RTN2: variants seen among roughly 807,000 people sequenced by gnomAD.
RTN2 encodes the protein reticulon-2.
A neutral mutation model predicts 63.7 loss-of-function variants in RTN2; 36 were observed. That is an observed-to-expected ratio of 0.56 (90% CI 0.43 to 0.75). The LOEUF is 0.75. RTN2 is among the 30% of genes least tolerant of loss of function. The pLI is 0.00. For missense variants in RTN2, 673 were observed against 705.1 expected, an observed-to-expected ratio of 0.95 and a Z score of 0.52; for synonymous variants, 312 against 313.0, an observed-to-expected ratio of 1.00 and a Z score of 0.03.
intron 4 of RTN2, chr19:45,493,853 C>T (rs1968212882): frequency 2.9e-6 from 1 of 339,202 alleles, no homozygotes; most frequent in Non-Finnish European, 5.5e-6. Flanking sequence ...AAGCGATTCT[C>T]CTGCCTCAGC....
At chr19:45,496,437 G>A (rs933744217) in intron 1 of RTN2, among the ~76,000 whole-genome samples, 17 of 152,198 alleles carry the variant, frequency 1.1e-4, no homozygotes, top group Admixed American at 1.0e-3. Flanking sequence ...TTCCATCCTG[G>A]CTCTACCCTC....
intron 10 of RTN2, 42 bp downstream of exon 10, chr19:45,486,013 C>T: frequency 1.9e-6 from 3 of 1,591,758 alleles, no homozygotes; most frequent in Non-Finnish European, 2.6e-6. Context: ...TCCCAAGCTC[C>T]CCCACTTCCC....
At position 45,493,267 on chromosome 19, in the gene RTN2, C is replaced by A; in HGVS notation, c.926G>T (p.Gly309Val). 6.2e-7 allele frequency: 1 copy of A among 1,612,728 alleles called. No individual in the cohort carries two copies. Among genetic ancestry groups the A allele is most frequent in the South Asian group, 1.1e-5 (1 of 91,046 alleles). Residue 309 changes from glycine (G) to valine (V), a missense_variant, in exon 5 of 11, where the codon GGC (glycine) becomes GTC (valine). Physicochemically the swap from Gly to Val is moderately radical, Grantham distance 109. Coordinates refer to ENST00000245923, the MANE Select transcript of RTN2 (RefSeq NM_005619.5). ...LWTAIGWVQR[G>V]PTPPTPVLRV... The stretch of plus-strand genomic sequence containing the variant: ...GAGGACAGGAGTAGGGGGGGTGGGG[C>A]CCCTTTGGACCCAGCCAATGGCTGT...
rs1308124635 is a variant in RTN2 at position 45,493,025 on chromosome 19, G to A, written c.1033+135C>T. The stretch of plus-strand genomic sequence containing the variant: ...TGGGTCCTCCCTATACTGCCCCTCG[G>A]CCCCCTAGCCCCAGCCTGCAGCGCT... On this transcript the variant is annotated intron_variant, in intron 5 of 10. Coordinates refer to ENST00000245923, the MANE Select transcript of RTN2 (RefSeq NM_005619.5). 6.5e-6 allele frequency: 6 copies of A among 920,670 alleles called. No individual in the cohort carries two copies. The Admixed American group carries it at 9.9e-5, about 15-fold the overall frequency. 57.0% of individuals were successfully genotyped at this position (920,670 alleles called of 1,614,324 possible). A position where few individuals can be genotyped will look rare whatever the true frequency, so the allele number is the denominator to read the frequency against.
At position 45,493,984 on chromosome 19, in the gene RTN2, C is replaced by A. The variant is rs1217584515; in HGVS notation, c.814+182G>T. The A allele has an allele frequency of 3.0e-6, 3 of 1,009,070 alleles. No homozygotes were observed. The African/African-American group carries it at 4.8e-5, about 16-fold the overall frequency. The allele number at this position is 1,009,070 out of a possible 1,614,324, so 62.5% of individuals were successfully genotyped here. On this transcript the variant is annotated intron_variant, in intron 4 of 10. Transcript: ENST00000245923. ...GGATTACAGGCATGAGCCACCGCGC[C>A]CGGCCGGGGAAATTTTTTTAAAAAG...
chr19:45,492,227 C>T (rs1968175787), intron 5 of RTN2, among the ~76,000 whole-genome samples: 1 of 152,186 alleles, frequency 6.6e-6, no homozygotes, highest in African/African-American at 2.4e-5. Context: ...TAAACCCAAC[C>T]TCAGCCCTGA....
At chr19:45,496,444 C>CCT in intron 1 of RTN2, 1 of 235,348 alleles carries the variant, frequency 4.2e-6, no homozygotes, top group Non-Finnish European at 8.3e-6. Context: ...CTGGCTCTAC[C>CCT]CTCCGTTCAA....
In RTN2 at chr19:45,496,885, G is replaced by C; in HGVS notation, c.-60C>G. ...ACTCCGGCTGTGCCGCCCTGGGCCCGGGGTCGCGGGCGCTCATCTCCGCCG... is the reference window on the plus strand; with the variant it reads ...ACTCCGGCTGTGCCGCCCTGGGCCCCGGGTCGCGGGCGCTCATCTCCGCCG... On this transcript the variant is annotated 5_prime_UTR_variant, in exon 1 of 11. Transcript: ENST00000245923. The C allele has an allele frequency of 1.7e-6, 2 of 1,152,082 alleles. No individual in the cohort carries two copies. Among genetic ancestry groups the C allele is most frequent in the Non-Finnish European group, 2.3e-6 (2 of 864,054 alleles). 71.4% of individuals were successfully genotyped at this position (1,152,082 alleles called of 1,614,324 possible).
intron 8 of RTN2, 25 bp downstream of exon 8, chr19:45,488,612 G>T: frequency 6.2e-7 from 1 of 1,613,528 alleles, no homozygotes; most frequent in Non-Finnish European, 8.5e-7. Context: ...GTCCCCATTT[G>T]CCCCTTACGG....
Position 45,488,620 on chromosome 19 carries a change from C to G in RTN2, c.1450+17G>C. On this transcript the variant is annotated intron_variant, in intron 8 of 10. Transcript: ENST00000245923. ...ACTCCAAGTCCCCATTTGCCCCTTA[C>G]GGCCTTCCCAGCTCACCCAGAATGA... 1 of 1,613,746 alleles carries G rather than the reference C, an allele frequency of 6.2e-7. No individual in the cohort carries two copies. Among genetic ancestry groups the G allele is most frequent in the Non-Finnish European group, 8.5e-7 (1 of 1,179,780 alleles).
chr19:45,486,542 C>T (rs1192134749), intron 9 of RTN2, among the ~76,000 whole-genome samples: 1 of 151,954 alleles, frequency 6.6e-6, no homozygotes, highest in Middle Eastern at 3.2e-3. Context: ...GACAGGGTCT[C>T]GCTCTGTCAC....
intron 9 of RTN2, among the ~76,000 whole-genome samples, chr19:45,488,190 T>C (rs187216166): frequency 1.4e-5 from 2 of 144,124 alleles, no homozygotes; most frequent in African/African-American, 5.2e-5. Context: ...GAAACGGAGG[T>C]TGCAGTGAGC....
chr19:45,486,191 C>T lies in RTN2; in HGVS notation c.1498-78G>A, dbSNP rs1968017071. On this transcript the variant is annotated intron_variant, in intron 9 of 10. Coordinates refer to ENST00000245923, the MANE Select transcript of RTN2 (RefSeq NM_005619.5). ...TAGTCACATAGGAGGCTGCTTCCTC[C>T]CCAACCTCCAAATTAGGAGTTGTGA... 1.1e-5 allele frequency: 14 copies of T among 1,289,168 alleles called. No individual in the cohort carries two copies. The East Asian group carries it at 3.3e-4, about 30-fold the overall frequency. The allele number at this position is 1,289,168 out of a possible 1,614,324, so 79.9% of individuals were successfully genotyped here.
chr19:45,489,259 C>T lies in RTN2; in HGVS notation c.1241+87G>A, dbSNP rs575032121. 48 of 1,247,236 alleles carry T rather than the reference C, an allele frequency of 3.8e-5. No individual in the cohort carries two copies. The African/African-American group carries it at 5.8e-4, about 15-fold the overall frequency. The allele number at this position is 1,247,236 out of a possible 1,614,324, so 77.3% of individuals were successfully genotyped here. A position where few individuals can be genotyped will look rare whatever the true frequency, so the allele number is the denominator to read the frequency against. On this transcript the variant is annotated intron_variant, in intron 6 of 10. Transcript: ENST00000245923. ...AAAATGATCAAGATGAGTCGGGGTC[C>T]GGGTGGGAGTCGGTGCCTGATTTGA...
intron 10 of RTN2, 90 bp from the exon 11 acceptor site, chr19:45,485,879 AC>A: frequency 7.9e-7 from 1 of 1,267,924 alleles, no homozygotes; most frequent in Non-Finnish European, 1.1e-6. Context: ...TGGGAAACTG[AC>A]CAAGAGCCCG....
Position 45,488,510 on chromosome 19 carries a change from A to T in RTN2, c.1458T>A (p.Ile486=), listed in dbSNP as rs895491351. The change falls in exon 9 of 11, where the codon ATT becomes ATA. Residue 486 remains isoleucine (I), a synonymous_variant. Coordinates refer to ENST00000245923, the MANE Select transcript of RTN2 (RefSeq NM_005619.5). ...ACAGCAGGGGGATGGTGAATAGACC[A>T]ATCACTCCTGTGGGTACAGAGATGG... is the stretch of plus-strand genomic sequence containing the variant. ...NGLTLLILGV[I]GLFTIPLLYR... 1.2e-6 allele frequency: 2 copies of T among 1,614,018 alleles called. No homozygotes were observed. The highest frequency in any genetic ancestry group is 1.7e-6 in the Non-Finnish European group (2 of 1,179,982).
chr19:45,489,197 G>T (rs548537514), intron 6 of RTN2, 149 bp downstream of exon 6: 2 of 900,958 alleles, frequency 2.2e-6, no homozygotes, highest in African/African-American at 1.7e-5. Flanking sequence ...TAGGATCAGA[G>T]ATTAGGATTG....
chr19:45,486,179 G>T, intron 9 of RTN2, 66 bp from the exon 10 acceptor site: 1 of 1,432,218 alleles, frequency 7.0e-7, no homozygotes, highest in South Asian at 1.2e-5. Context: ...TCACATAGGA[G>T]GCTGCTTCCT....
rs745684949 is a variant in RTN2 at position 45,485,722 on chromosome 19, C to T, written c.1624G>A (p.Ala542Thr). 4 of 1,613,888 alleles carry T rather than the reference C, an allele frequency of 2.5e-6. No homozygotes were observed. In the South Asian group the frequency reaches 4.4e-5, roughly 18 times the overall value. The change falls in exon 11 of 11, where the codon GCC becomes ACC. Residue 542 changes from alanine to threonine, a missense_variant. Coordinates refer to ENST00000245923, the MANE Select transcript of RTN2 (RefSeq NM_005619.5). ...SAAAAVSGSKAKAE is the reference protein window; with the variant it reads ...SAAAAVSGSKTKAE ...AGACACCGTTCTCATTCGGCTTTGG[C>T]TTTGGATCCGGAGACTGCGGCTGCT... is the stretch of plus-strand genomic sequence containing the variant.
Sources: gnomAD v4.1 joint callset for allele counts (sites outside exome capture counted in the v4.1 genomes callset) on GRCh38, gnomAD v4.1.1 for gene constraint, MANE v1.5 for transcripts, NCBI Gene and HGNC (gene_info 2026-07-23, HGNC 2026-07-21) for gene names.